The following HAGH variants were observed in gnomAD, a reference collection of about 807,000 sequenced individuals.
HAGH encodes the protein hydroxyacylglutathione hydrolase, also known as hydroxyacylglutathione hydrolase, mitochondrial.
HAGH carries 29 observed loss-of-function variants against 35.1 expected under a neutral mutation model. That is an observed-to-expected ratio of 0.83 (90% CI 0.62 to 1.13). The LOEUF is 1.13. HAGH is among the 50% of genes most tolerant of loss of function. The pLI is 0.00. For missense variants in HAGH, 478 were observed against 419.6 expected (o/e 1.14, Z -1.22); for synonymous variants, 225 against 176.1 (o/e 1.28, Z -2.20).
chr16:1,809,961 T>C (rs1384824064), intron 7 of HAGH, 128 bp from the exon 8 acceptor site: 1 of 701,230 alleles, frequency 1.4e-6, no homozygotes, highest in Non-Finnish European at 2.5e-6. Flanking sequence ...CCCTGGAGTT[T>C]GAGACCAGCC....
intron 7 of HAGH, 141 bp from the exon 8 acceptor site, chr16:1,809,974 G>T: frequency 1.5e-6 from 1 of 660,104 alleles, no homozygotes; most frequent in South Asian, 1.7e-5. Context: ...GACCAGCCTG[G>T]ACAACATGGC....
chr16:1,823,261 G>GT (rs1567263234), intron 1 of HAGH, among the ~76,000 whole-genome samples: 1 of 135,226 alleles, frequency 7.4e-6, no homozygotes, highest in Non-Finnish European at 1.6e-5. Context: ...GCAAGACCTT[G>GT]TCTTTTTTTT....
intron 7 of HAGH, among the ~76,000 whole-genome samples, chr16:1,812,193 C>G (rs1897678767): frequency 1.4e-5 from 1 of 72,074 alleles, no homozygotes; most frequent in African/African-American, 6.2e-5. Flanking sequence ...CTGTCTCTCC[C>G]CAACCAAAAA....
Position 1,817,276 on chromosome 16 carries a change from A to C in HAGH, c.542-5T>G. 1 of 1,592,828 alleles carries C rather than the reference A, an allele frequency of 6.3e-7. No homozygotes were observed. The highest frequency in any genetic ancestry group is 8.6e-7 in the Non-Finnish European group (1 of 1,160,604). ...CAGCCACAAACAAGGTGTCACCTGG[A>C]AACAAGGACAGCCACGAGGTGGGGG... On this transcript the variant is annotated splice_region_variant and splice_polypyrimidine_tract_variant and intron_variant, in intron 5 of 8. Coordinates refer to ENST00000397356, the MANE Select transcript of HAGH (RefSeq NM_005326.6).
Position 1,809,374 on chromosome 16 carries a change from G to A in HAGH, c.836C>T (p.Thr279Met), listed in dbSNP as rs191499893. The change falls in exon 9 of 9, where the codon ACG becomes ATG. Residue 279 changes from threonine to methionine, a missense_variant. Physicochemically the swap from Thr to Met is moderately conservative, Grantham distance 81 (BLOSUM62 -1). Transcript: ENST00000397356. ...YNPFMRVREK[T>M]VQQHAGETDP... ...CGTCTCACCTGCGTGCTGCTGCACC[G>A]TCTTCTCCCTGCGGAGGCCAGCACC... 146 of 1,610,276 alleles carry A rather than the reference G, an allele frequency of 9.1e-5. 2 individuals are homozygous for A. The highest frequency in any genetic ancestry group is 4.2e-4 in the South Asian group (38 of 91,040).
intron 5 of HAGH, chr16:1,818,893 G>A (rs1354666753): frequency 3.5e-6 from 2 of 564,794 alleles, no homozygotes; most frequent in African/African-American, 3.8e-5. Flanking sequence ...GTCTCCGCCA[G>A]CACAGCCCTT....
At chr16:1,810,155 GTCTC>G in intron 7 of HAGH, 1 of 223,318 alleles carries the variant, frequency 4.5e-6, no homozygotes, top group African/African-American at 4.7e-5. Flanking sequence ...GCGACATCAC[GTCTC>G]AAAAAATGCT....
At chr16:1,822,492 C>T (rs576969088) in intron 2 of HAGH, 128 bp from the exon 3 acceptor site, 7 of 755,376 alleles carry the variant, frequency 9.3e-6, no homozygotes, top group Non-Finnish European at 9.4e-6. Context: ...CCCGTCCTGA[C>T]CCTGCCAGCT....
intron 1 of HAGH, among the ~76,000 whole-genome samples, chr16:1,824,349 C>T (rs1235662951): frequency 6.6e-6 from 1 of 152,156 alleles, no homozygotes; most frequent in East Asian, 1.9e-4. Context: ...GTGTGGAGGA[C>T]ACAAAACCAC....
chr16:1,816,890 C>A lies in HAGH; in HGVS notation c.747+3G>T, dbSNP rs1163542427. On this transcript the variant is annotated splice_donor_region_variant and intron_variant, in intron 7 of 8. Transcript: ENST00000397356. ...GGCACTGCGCAGTGACGGCCCCACT[C>A]ACCTTGGCCCAGGCCAGCTTCTCCC... is the stretch of plus-strand genomic sequence containing the variant. 1 of 1,600,780 alleles carries A rather than the reference C, an allele frequency of 6.2e-7. No individual in the cohort carries two copies. The highest frequency in any genetic ancestry group is 2.2e-5 in the East Asian group (1 of 44,812).
At chr16:1,818,975 A>C in intron 5 of HAGH, 140 bp downstream of exon 5, 1 of 616,126 alleles carries the variant, frequency 1.6e-6, no homozygotes, top group African/African-American at 1.8e-5. Flanking sequence ...CCCCACCATG[A>C]GGCTCCCCAG....
At chr16:1,826,602 C>G in intron 1 of HAGH, 110 bp downstream of exon 1, 1 of 982,152 alleles carries the variant, frequency 1.0e-6, no homozygotes, top group Non-Finnish European at 1.2e-6. Flanking sequence ...GCCTTAGGCA[C>G]CTGCGCAACA....
intron 1 of HAGH, among the ~76,000 whole-genome samples, chr16:1,826,186 C>T (rs1385799143): frequency 3.3e-5 from 5 of 152,056 alleles, no homozygotes; most frequent in Non-Finnish European, 7.4e-5. Context: ...GCGCTGCGCA[C>T]CCGCCCGGGG....
intron 7 of HAGH, among the ~76,000 whole-genome samples, chr16:1,814,296 G>GA (rs1897789743): frequency 2.0e-5 from 3 of 152,026 alleles, no homozygotes; most frequent in Admixed American, 1.3e-4. Flanking sequence ...TCAACATGGA[G>GA]AAACCCCATC....
chr16:1,821,487 G>A (rs1898145711), intron 3 of HAGH: 1 of 152,276 alleles, frequency 6.6e-6, no homozygotes, highest in South Asian at 2.1e-4. Context: ...AAAGAAGTAA[G>A]TCTCTCTAGC....
intron 3 of HAGH, 99 bp from the exon 4 acceptor site, chr16:1,820,113 T>C: frequency 2.6e-6 from 2 of 757,464 alleles, no homozygotes; most frequent in Non-Finnish European, 4.6e-6. Flanking sequence ...TGCCTGCTGC[T>C]CTTAAACCCT....
chr16:1,822,390 AG>A lies in HAGH; in HGVS notation c.250-27del, dbSNP rs747657823. ...CTGCAGTGGCCCCGGGGAAGGACAA[AG>A]GCCTGTCACACTCCTAGGCCTGGCT... On this transcript the variant is annotated intron_variant, in intron 2 of 8. Transcript: ENST00000397356. 39 of 1,573,586 alleles carry A rather than the reference AG, an allele frequency of 2.5e-5. No homozygotes were observed. The South Asian group carries it at 4.2e-4, about 17-fold the overall frequency.
intron 7 of HAGH, among the ~76,000 whole-genome samples, chr16:1,814,722 A>AC (rs1277798597): frequency 1.9e-4 from 29 of 151,770 alleles, no homozygotes; most frequent in East Asian, 1.6e-3. Context: ...ACACGGTGAA[A>AC]CCCATCTCTA....
In HAGH at chr16:1,819,826, C is replaced by A. The variant is rs570403237; in HGVS notation, c.432+71G>T. 4 of 913,378 alleles carry A rather than the reference C, an allele frequency of 4.4e-6. No homozygotes were observed. The African/African-American group carries it at 4.9e-5, about 11-fold the overall frequency. The allele number at this position is 913,378 out of a possible 1,614,324, so 56.6% of individuals were successfully genotyped here. Reference sequence around the variant, plus strand: ...CTGGGGTAAGGGAGCAGAGAGAATGCGGGGAGGGACCCCCCTCCCCCACGC... The same window carrying A: ...CTGGGGTAAGGGAGCAGAGAGAATGAGGGGAGGGACCCCCCTCCCCCACGC... On this transcript the variant is annotated intron_variant, in intron 4 of 8. Coordinates refer to ENST00000397356, the MANE Select transcript of HAGH (RefSeq NM_005326.6).
Sources: gnomAD v4.1 joint callset for allele counts (sites outside exome capture counted in the v4.1 genomes callset) on GRCh38, gnomAD v4.1.1 for gene constraint, MANE v1.5 for transcripts, NCBI Gene and HGNC (gene_info 2026-07-23, HGNC 2026-07-21) for gene names.